SCAPER: variants seen among roughly 807,000 people sequenced by gnomAD.
SCAPER encodes the protein S phase cyclin A-associated protein in the endoplasmic reticulum.
In SCAPER, 98 loss-of-function variants were observed where a neutral mutation model predicts 182.2. The observed-to-expected ratio is 0.54, with a 90% CI of 0.46 to 0.64. The LOEUF (loss-of-function observed/expected upper bound fraction) is 0.64. Among genes scored for constraint, SCAPER ranks in the 30% least tolerant of loss-of-function variants. The probability of loss-of-function intolerance (pLI) is 0.00; values close to 1 mark genes in which losing one functional copy is unlikely to be tolerated. For synonymous variants in SCAPER, 605 were observed against 564.6 expected (o/e 1.07, Z -1.01); for missense variants, 1,432 against 1,690.0 (o/e 0.85, Z 2.68).
chr15:76,871,236 T>G (rs1233488062), intron 2 of SCAPER, among the ~76,000 whole-genome samples: 1 of 151,778 alleles, frequency 6.6e-6, no homozygotes, highest in East Asian at 2.0e-4. Context: ...GGTGAAACCC[T>G]GCCTCTACTG....
intron 8 of SCAPER, among the ~76,000 whole-genome samples, chr15:76,794,203 TAA>T (rs1226269678): frequency 4.9e-4 from 75 of 152,324 alleles, no homozygotes; most frequent in African/African-American, 1.6e-3. Context: ...AGTATAGATA[TAA>T]TCAAGATCTA....
chr15:76,723,457 C>A (rs1213634456), intron 17 of SCAPER, among the ~76,000 whole-genome samples: 2 of 152,104 alleles, frequency 1.3e-5, no homozygotes, highest in Admixed American at 6.5e-5. Flanking sequence ...CTGCTTGGTG[C>A]AGAGCTGAGT....
intron 23 of SCAPER, among the ~76,000 whole-genome samples, chr15:76,573,598 G>A (rs1373837320): frequency 6.6e-6 from 1 of 152,100 alleles, no homozygotes; most frequent in Non-Finnish European, 1.5e-5. Flanking sequence ...ATGTTTGGAA[G>A]AAGATACAAT....
At chr15:76,870,914 G>A (rs138217029) in intron 2 of SCAPER, among the ~76,000 whole-genome samples, 163 of 151,820 alleles carry the variant, frequency 1.1e-3, no homozygotes, top group African/African-American at 3.8e-3. Context: ...AAAGACAAAC[G>A]ATAGACATAT....
At chr15:76,538,777 C>T (rs891287274) in intron 23 of SCAPER, among the ~76,000 whole-genome samples, 1 of 151,712 alleles carries the variant, frequency 6.6e-6, no homozygotes, top group Non-Finnish European at 1.5e-5. Context: ...CTAGTTTTAG[C>T]AAGGATATGT....
intron 14 of SCAPER, among the ~76,000 whole-genome samples, chr15:76,758,803 GC>G (rs1363534542): frequency 2.0e-5 from 3 of 152,014 alleles, no homozygotes; most frequent in Non-Finnish European, 4.4e-5. Context: ...TCAACTCCCT[GC>G]TTAAGTTAAT....
chr15:76,553,815 C>CA (rs1428557161), intron 23 of SCAPER, among the ~76,000 whole-genome samples: 66 of 150,788 alleles, frequency 4.4e-4, no homozygotes, highest in Admixed American at 1.6e-3. Flanking sequence ...AAGATAAAAA[C>CA]AAAAAAAAAC....
chr15:76,708,048 G>T (rs2059352074), intron 17 of SCAPER, among the ~76,000 whole-genome samples: 1 of 152,040 alleles, frequency 6.6e-6, no homozygotes, highest in Middle Eastern at 3.4e-3. Context: ...GTATCCAAGG[G>T]GGATTGGTTC....
At chr15:76,609,291 A>G (rs958903087) in intron 22 of SCAPER, among the ~76,000 whole-genome samples, 3 of 151,714 alleles carry the variant, frequency 2.0e-5, no homozygotes, top group Non-Finnish European at 2.9e-5. Context: ...GCTCAAGATC[A>G]GCCTGGGCAA....
At chr15:76,899,444 G>A (rs938744214) in intron 1 of SCAPER, among the ~76,000 whole-genome samples, 8 of 152,340 alleles carry the variant, frequency 5.3e-5, no homozygotes, top group East Asian at 1.9e-4. Context: ...GATTGCAGAC[G>A]GAGTCTCGCT....
At chr15:76,652,050 G>C (rs2055094906) in intron 21 of SCAPER, among the ~76,000 whole-genome samples, 1 of 150,276 alleles carries the variant, frequency 6.7e-6, no homozygotes, top group South Asian at 2.1e-4. Context: ...AGATGCAGTG[G>C]AAGCATTTGA....
chr15:76,464,965 GCATTTT>G (rs2049485728), intron 25 of SCAPER, among the ~76,000 whole-genome samples: 1 of 151,976 alleles, frequency 6.6e-6, no homozygotes, highest in Non-Finnish European at 1.5e-5. Context: ...GTTTTGATTT[GCATTTT>G]CACAGTGATT....
At chr15:76,487,215 G>GA (rs570591565) in intron 24 of SCAPER, among the ~76,000 whole-genome samples, 3 of 151,664 alleles carry the variant, frequency 2.0e-5, no homozygotes, top group Non-Finnish European at 4.4e-5. Flanking sequence ...AGAGGATCAG[G>GA]AAAAAAAACT....
At chr15:76,600,450 TA>T (rs1388535681) in intron 22 of SCAPER, among the ~76,000 whole-genome samples, 299 of 27,620 alleles carry the variant, frequency 0.011, 28 homozygotes, top group African/African-American at 0.016. Flanking sequence ...CATATATATA[TA>T]TATTTTTTTT....
At chr15:76,845,207 G>C (rs2069944199) in intron 4 of SCAPER, among the ~76,000 whole-genome samples, 1 of 152,056 alleles carries the variant, frequency 6.6e-6, no homozygotes. Flanking sequence ...ACTGGGCATA[G>C]AAGGAACATA....
chr15:76,498,864 T>A (rs533059950), intron 24 of SCAPER, among the ~76,000 whole-genome samples: 13 of 152,208 alleles, frequency 8.5e-5, no homozygotes, highest in South Asian at 2.1e-4. Context: ...CGAATTTTTT[T>A]AAAATTATAT....
intron 5 of SCAPER, among the ~76,000 whole-genome samples, chr15:76,836,056 T>G (rs1238805106): frequency 6.6e-6 from 1 of 151,974 alleles, no homozygotes; most frequent in East Asian, 1.9e-4. Context: ...TGGAAACATA[T>G]TCCATGCTCA....
chr15:76,369,017 G>A (rs536108481), intron 29 of SCAPER, among the ~76,000 whole-genome samples: 2 of 152,260 alleles, frequency 1.3e-5, no homozygotes, highest in African/African-American at 4.8e-5. Flanking sequence ...ATTAGAAACT[G>A]CAACCCTATA....
At chr15:76,545,107 A>G (rs1383749133) in intron 23 of SCAPER, among the ~76,000 whole-genome samples, 1 of 152,182 alleles carries the variant, frequency 6.6e-6, no homozygotes, top group Admixed American at 6.6e-5. Context: ...ATGGGGGCCA[A>G]TGAGATTTTT....
Sources: gnomAD v4.1 joint callset for allele counts (sites outside exome capture counted in the v4.1 genomes callset) on GRCh38, gnomAD v4.1.1 for gene constraint, MANE v1.5 for transcripts, NCBI Gene and HGNC (gene_info 2026-07-23, HGNC 2026-07-21) for gene names.